The following MAEL variants were observed in gnomAD, a reference collection of about 807,000 sequenced individuals.
MAEL encodes the protein maelstrom spermatogenic transposon silencer.
Under a neutral mutation model 62.0 loss-of-function variants are expected in MAEL, and 46 were observed. The observed-to-expected ratio is 0.74, with a 90% CI of 0.59 to 0.95. The LOEUF is 0.95. Ranked by LOEUF, MAEL falls within the 40% of genes least tolerant of loss-of-function variation. The probability of loss-of-function intolerance (pLI) is 0.00; values close to 1 mark genes in which losing one functional copy is unlikely to be tolerated. For synonymous variants in MAEL, 172 were observed against 175.5 expected (o/e 0.98, Z 0.16); for missense variants, 497 against 526.8 (o/e 0.94, Z 0.55).
In MAEL at chr1:167,021,154, C is replaced by A. The variant is rs776483744; in HGVS notation, c.1111C>A (p.Pro371Thr). 2.3e-5 allele frequency: 37 copies of A among 1,609,886 alleles called. No homozygotes were observed. Among genetic ancestry groups the A allele is most frequent in the Non-Finnish European group, 3.0e-5 (35 of 1,176,828 alleles). Residue 371 changes from proline (P) to threonine (T), a missense_variant, in exon 11 of 12, where the codon CCC (proline) becomes ACC (threonine). Transcript: ENST00000367872. ...TAATGAGGAACAAAGATCAAACACACCCATTGGTAAGCAACTTATATTTTA... is the reference window on the plus strand; with the variant it reads ...TAATGAGGAACAAAGATCAAACACAACCATTGGTAAGCAACTTATATTTTA... Reference protein sequence around the residue: ...SSNEEQRSNTPIGDYPSRAKI... With the variant: ...SSNEEQRSNTTIGDYPSRAKI...
intron 1 of MAEL, among the ~76,000 whole-genome samples, chr1:166,979,439 C>T (rs965912379): frequency 4.0e-5 from 6 of 151,700 alleles, no homozygotes; most frequent in East Asian, 1.9e-4. Context: ...AAACTGGAGA[C>T]TCTAGGCACC....
chr1:166,977,170 C>T (rs988155118), intron 1 of MAEL, among the ~76,000 whole-genome samples: 2 of 152,216 alleles, frequency 1.3e-5, no homozygotes. Context: ...TCTAGCCTCT[C>T]TTCTACACTT....
intron 9 of MAEL, among the ~76,000 whole-genome samples, chr1:167,017,129 AAG>A (rs1665428735): frequency 2.0e-5 from 3 of 152,320 alleles, no homozygotes; most frequent in South Asian, 4.1e-4. Flanking sequence ...AAATAACTAA[AAG>A]AGAATCATTG....
intron 1 of MAEL, 46 bp from the exon 2 acceptor site, chr1:166,989,691 G>A (rs1323737818): frequency 6.3e-7 from 1 of 1,584,030 alleles, no homozygotes; most frequent in Non-Finnish European, 8.6e-7. Context: ...TAGAGCACGG[G>A]ATCCTCACGG....
intron 8 of MAEL, among the ~76,000 whole-genome samples, chr1:167,010,372 A>G (rs1404573328): frequency 6.6e-6 from 1 of 151,706 alleles, no homozygotes; most frequent in Non-Finnish European, 1.5e-5. Flanking sequence ...CCCCTCCTTC[A>G]TGTTTTTTTG....
chr1:166,992,432 G>A (rs908722078), intron 3 of MAEL, among the ~76,000 whole-genome samples: 1 of 152,128 alleles, frequency 6.6e-6, no homozygotes, highest in African/African-American at 2.4e-5. Flanking sequence ...TGTAGAGCTG[G>A]CTGCAAGTTG....
At chr1:167,017,794 A>G (rs1285186681) in intron 9 of MAEL, 33 bp from the exon 10 acceptor site, 4 of 1,573,528 alleles carry the variant, frequency 2.5e-6, no homozygotes, top group Admixed American at 1.8e-5. Context: ...ATTAAATTAG[A>G]TTCTGATAGT....
At chr1:166,987,486 C>T (rs1557969910), upstream of MAEL, among the ~76,000 whole-genome samples, 1 of 152,172 alleles carries the variant, frequency 6.6e-6, no homozygotes, top group Non-Finnish European at 1.5e-5. Flanking sequence ...CAAAATTCAT[C>T]TACAAGGCTT....
intron 8 of MAEL, among the ~76,000 whole-genome samples, chr1:167,011,059 A>G (rs1371370081): frequency 6.6e-6 from 1 of 151,306 alleles, no homozygotes; most frequent in African/African-American, 2.4e-5. Context: ...TTCACTTAGC[A>G]TGGCACTTGC....
chr1:166,992,037 G>T (rs1427962121), intron 3 of MAEL, among the ~76,000 whole-genome samples: 1 of 152,130 alleles, frequency 6.6e-6, no homozygotes, highest in Admixed American at 6.5e-5. Flanking sequence ...GGTGGAGGGG[G>T]CTTATAAAGA....
chr1:166,999,153 A>T (rs1341348284), intron 5 of MAEL, among the ~76,000 whole-genome samples: 2 of 152,154 alleles, frequency 1.3e-5, no homozygotes, highest in Non-Finnish European at 2.9e-5. Flanking sequence ...CATGTCTCTC[A>T]CTTTAAATCA....
At chr1:166,994,666 ATTTT>A (rs35009494) in intron 5 of MAEL, among the ~76,000 whole-genome samples, 2 of 119,608 alleles carry the variant, frequency 1.7e-5, no homozygotes, top group Admixed American at 8.6e-5. Flanking sequence ...CTGTAAGGTA[ATTTT>A]TTTTTTTTTT....
chr1:166,989,220 C>T (rs1307375558), upstream of MAEL: 5 of 1,193,214 alleles, frequency 4.2e-6, no homozygotes, highest in Non-Finnish European at 5.8e-6. Flanking sequence ...AATGCGACTG[C>T]GCGTCGCTTC....
chr1:166,989,536 AG>A (rs1252354788), intron 1 of MAEL, 52 bp downstream of exon 1: 2 of 1,561,450 alleles, frequency 1.3e-6, no homozygotes, highest in African/African-American at 2.7e-5. Flanking sequence ...GGCAAGCCGG[AG>A]GGTGAGGCGG....
At chr1:166,994,194 T>C in intron 5 of MAEL, 125 bp downstream of exon 5, 1 of 798,226 alleles carries the variant, frequency 1.3e-6, no homozygotes, top group Non-Finnish European at 2.0e-6. Flanking sequence ...TTAGAGAATC[T>C]GCATAGATGT....
chr1:166,988,241 C>CG (rs1328605647), upstream of MAEL, among the ~76,000 whole-genome samples: 1 of 149,206 alleles, frequency 6.7e-6, no homozygotes, highest in African/African-American at 2.5e-5. Flanking sequence ...CCCAACTACT[C>CG]GGGGGGCTGA....
chr1:166,995,744 C>T (rs1370012085), intron 5 of MAEL, among the ~76,000 whole-genome samples: 1 of 151,890 alleles, frequency 6.6e-6, no homozygotes, highest in Non-Finnish European at 1.5e-5. Context: ...TACTTAGACT[C>T]TGTTTCAGGT....
intron 5 of MAEL, among the ~76,000 whole-genome samples, chr1:167,003,481 C>T (rs1664762178): frequency 6.6e-6 from 1 of 152,114 alleles, no homozygotes; most frequent in African/African-American, 2.4e-5. Flanking sequence ...ATGTTAACTT[C>T]CTCTGGAAAG....
intron 1 of MAEL, among the ~76,000 whole-genome samples, chr1:166,982,676 TAGTC>T (rs1182761867): frequency 6.6e-6 from 1 of 152,032 alleles, no homozygotes. Context: ...AAAAAAGTAA[TAGTC>T]ATCCAAATCT....
Sources: gnomAD v4.1 joint callset for allele counts (sites outside exome capture counted in the v4.1 genomes callset) on GRCh38, gnomAD v4.1.1 for gene constraint, MANE v1.5 for transcripts, NCBI Gene and HGNC (gene_info 2026-07-23, HGNC 2026-07-21) for gene names.